DSCAM: variants seen among roughly 807,000 people sequenced by gnomAD.
DSCAM encodes DS cell adhesion molecule.
DSCAM carries 47 observed loss-of-function variants against 217.7 expected under a neutral mutation model. The observed-to-expected ratio is 0.22, with a 90% confidence interval of 0.17 to 0.28. DSCAM has a LOEUF of 0.28. Ranked by LOEUF, DSCAM falls within the 10% of genes least tolerant of loss-of-function variation. DSCAM has a pLI of 1.00. For synonymous variants in DSCAM, 1,056 were observed against 1,015.3 expected (o/e 1.04, Z -0.76); for missense variants, 2,080 against 2,618.3 (o/e 0.79, Z 4.49).
intron 3 of DSCAM, among the ~76,000 whole-genome samples, chr21:40,655,882 A>G (rs992115650): frequency 6.6e-6 from 1 of 152,066 alleles, no homozygotes; most frequent in Non-Finnish European, 1.5e-5. Flanking sequence ...GCAAGATCCC[A>G]TCTCTACGAA....
chr21:40,116,115 CACAT>C (rs777080723), intron 20 of DSCAM, among the ~76,000 whole-genome samples: 31 of 152,224 alleles, frequency 2.0e-4, no homozygotes, highest in Non-Finnish European at 3.7e-4. Context: ...AACATACACA[CACAT>C]AGAGGGGAAC....
intron 1 of DSCAM, among the ~76,000 whole-genome samples, chr21:40,771,104 A>G (rs1276983448): frequency 1.3e-5 from 2 of 152,206 alleles, no homozygotes; most frequent in African/African-American, 2.4e-5. Context: ...AAACTAAACC[A>G]AGAAACAGAG....
chr21:40,503,597 A>G (rs1439602722), intron 3 of DSCAM, among the ~76,000 whole-genome samples: 2 of 152,172 alleles, frequency 1.3e-5, no homozygotes, highest in East Asian at 3.9e-4. Flanking sequence ...ACATCCGCTG[A>G]TTTTCAGTGG....
chr21:40,733,734 T>C (rs1014266216), intron 1 of DSCAM, among the ~76,000 whole-genome samples: 4 of 152,120 alleles, frequency 2.6e-5, no homozygotes, highest in African/African-American at 7.2e-5. Context: ...TCAGGGGCCA[T>C]GCCCACTGCT....
intron 1 of DSCAM, among the ~76,000 whole-genome samples, chr21:40,729,235 C>G (rs1233937228): frequency 2.6e-5 from 4 of 152,272 alleles, no homozygotes; most frequent in African/African-American, 4.8e-5. Context: ...ACCATATAAA[C>G]TTTGAACTCT....
Position 40,127,886 on chromosome 21 carries a change from C to T in DSCAM, c.3563-3558G>A, listed in dbSNP as rs143240996. On this transcript the variant is annotated intron_variant, in intron 19 of 32. Transcript: ENST00000400454. ...CTGAGCTCTGTTTCAGTTCCCTGAA[C>T]GTGGTTTGCTTCTCCCACCCCGGGC... 2.6e-3 allele frequency among the ~76,000 whole-genome samples: 389 copies of T among 152,216 alleles called. 1 individual carries two copies. Among genetic ancestry groups the T allele is most frequent in the African/African-American group, 8.6e-3 (359 of 41,538 alleles).
At chr21:40,732,462 G>T (rs750688564) in intron 1 of DSCAM, among the ~76,000 whole-genome samples, 1 of 152,190 alleles carries the variant, frequency 6.6e-6, no homozygotes, top group Non-Finnish European at 1.5e-5. Context: ...GAAATCACAA[G>T]AAGAATGCAT....
chr21:40,833,277 C>T (rs2092027142), intron 1 of DSCAM, among the ~76,000 whole-genome samples: 1 of 152,178 alleles, frequency 6.6e-6, no homozygotes, highest in Non-Finnish European at 1.5e-5. Context: ...TCCCAGAGGT[C>T]TCTCCAGTCC....
rs571189254 is a variant in DSCAM at position 40,017,692 on chromosome 21, C to T, written c.5687-4306G>A. ...TCAGCCTCCTGAGTAGCTGGGATTA[C>T]AGGCATGCACCACCACGCCTGGCTA... is the stretch of plus-strand genomic sequence containing the variant. On this transcript the variant is annotated intron_variant, in intron 32 of 32. Coordinates refer to ENST00000400454, the MANE Select transcript of DSCAM (RefSeq NM_001389.5). 1.2e-4 allele frequency among the ~76,000 whole-genome samples: 18 copies of T among 152,164 alleles called. No individual in the cohort carries two copies. The East Asian group carries it at 1.4e-3, about 11-fold the overall frequency.
At chr21:40,026,159 A>C (rs1462152333) in intron 32 of DSCAM, among the ~76,000 whole-genome samples, 1 of 141,746 alleles carries the variant, frequency 7.1e-6, no homozygotes, top group East Asian at 2.0e-4. Context: ...CAGGTTGTTC[A>C]GTTTCCATGT....
At chr21:40,067,712 TC>T (rs2089228308) in intron 27 of DSCAM, among the ~76,000 whole-genome samples, 2 of 26,660 alleles carry the variant, frequency 7.5e-5, no homozygotes, top group African/African-American at 3.4e-4. Context: ...TCCCCTCCCC[TC>T]CCCTCCCCTC....
intron 3 of DSCAM, among the ~76,000 whole-genome samples, chr21:40,632,846 T>C (rs1479908818): frequency 6.6e-6 from 1 of 152,136 alleles, no homozygotes; most frequent in African/African-American, 2.4e-5. Flanking sequence ...CATGTGCGAA[T>C]CCCTTCAAGA....
At chr21:40,566,937 C>T (rs1023315839) in intron 3 of DSCAM, among the ~76,000 whole-genome samples, 2 of 151,916 alleles carry the variant, frequency 1.3e-5, no homozygotes, top group African/African-American at 4.8e-5. Context: ...TGAAGATGAC[C>T]CAAGTCCGTA....
intron 32 of DSCAM, among the ~76,000 whole-genome samples, chr21:40,020,514 GGT>G (rs368437369): frequency 2.4e-3 from 365 of 149,994 alleles, no homozygotes; most frequent in South Asian, 4.0e-3. Context: ...AGAAAAGTGT[GGT>G]GTGTGTGTGT....
At chr21:40,565,578 T>TACC (rs1262864825) in intron 3 of DSCAM, among the ~76,000 whole-genome samples, 1 of 152,208 alleles carries the variant, frequency 6.6e-6, no homozygotes, top group Non-Finnish European at 1.5e-5. Context: ...TTGCTGTCCC[T>TACC]ACCTTCTAAA....
chr21:40,657,223 T>C (rs948086839), intron 3 of DSCAM, among the ~76,000 whole-genome samples: 1 of 152,136 alleles, frequency 6.6e-6, no homozygotes, highest in Admixed American at 6.5e-5. Context: ...ACCTTGTGTG[T>C]GTTGAAGCCT....
At chr21:40,442,084 T>C (rs577713809) in intron 3 of DSCAM, among the ~76,000 whole-genome samples, 79 of 152,296 alleles carry the variant, frequency 5.2e-4, no homozygotes, top group Non-Finnish European at 1.0e-3. Flanking sequence ...AGGGGGTATA[T>C]TGAAAGAAAC....
chr21:40,578,737 C>G (rs1029900958), intron 3 of DSCAM, among the ~76,000 whole-genome samples: 3 of 152,016 alleles, frequency 2.0e-5, no homozygotes, highest in Non-Finnish European at 4.4e-5. Context: ...CTGAAGTCAG[C>G]GAGAACAAGA....
intron 3 of DSCAM, among the ~76,000 whole-genome samples, chr21:40,504,513 TACA>T (rs2076195006): frequency 6.6e-6 from 1 of 152,108 alleles, no homozygotes; most frequent in Non-Finnish European, 1.5e-5. Context: ...ATATACAGGA[TACA>T]ACAAGCTTTA....
Sources: allele counts gnomAD v4.1 joint callset (sites outside exome capture counted in the v4.1 genomes callset), GRCh38; gene constraint gnomAD v4.1.1; transcripts MANE v1.5; gene names NCBI Gene and HGNC (gene_info 2026-07-23, HGNC 2026-07-21).